Variants in DSCAM observed in about 807,000 individuals in gnomAD.
DSCAM encodes the protein cell adhesion molecule DSCAM.
Under a neutral mutation model 217.7 loss-of-function variants are expected in DSCAM, and 47 were observed. The observed-to-expected ratio is 0.22, with a 90% CI of 0.17 to 0.28. The LOEUF is 0.28. Ranked by LOEUF, DSCAM falls within the 10% of genes least tolerant of loss-of-function variation. DSCAM has a pLI of 1.00. For missense variants in DSCAM, 2,080 were observed against 2,618.3 expected (o/e 0.79, Z 4.49); for synonymous variants, 1,056 against 1,015.3 (o/e 1.04, Z -0.76).
chr21:40,536,082 T>C (rs1282147258), intron 3 of DSCAM, among the ~76,000 whole-genome samples: 1 of 152,192 alleles, frequency 6.6e-6, no homozygotes, highest in Non-Finnish European at 1.5e-5. Context: ...GTGAACCTCA[T>C]GCCTTTAATA....
intron 3 of DSCAM, among the ~76,000 whole-genome samples, chr21:40,652,121 T>C (rs1601823311): frequency 7.2e-6 from 1 of 139,498 alleles, no homozygotes; most frequent in Non-Finnish European, 1.5e-5. Flanking sequence ...CATGGACACA[T>C]GGAGGGGAAC....
At chr21:40,634,147 C>T (rs778104393) in intron 3 of DSCAM, among the ~76,000 whole-genome samples, 7 of 152,122 alleles carry the variant, frequency 4.6e-5, no homozygotes, top group South Asian at 2.1e-4. Flanking sequence ...ACTTGATGAA[C>T]GGTTAATGGA....
intron 3 of DSCAM, among the ~76,000 whole-genome samples, chr21:40,404,354 T>C (rs2075263404): frequency 6.6e-6 from 1 of 152,224 alleles, no homozygotes. Context: ...TCAAAGATTT[T>C]AGAGGAATTT....
chr21:40,648,060 G>A (rs767939498), intron 3 of DSCAM, among the ~76,000 whole-genome samples: 3 of 151,668 alleles, frequency 2.0e-5, no homozygotes, highest in Non-Finnish European at 4.4e-5. Flanking sequence ...AATAAATAGA[G>A]AAAGAAAGCA....
At chr21:40,163,217 G>A (rs1325141520) in intron 16 of DSCAM, among the ~76,000 whole-genome samples, 1 of 152,068 alleles carries the variant, frequency 6.6e-6, no homozygotes, top group Admixed American at 6.6e-5. Flanking sequence ...TGCTAAAAGA[G>A]ACACTTTAGG....
intron 6 of DSCAM, 145 bp from the exon 7 acceptor site, chr21:40,339,560 T>A: frequency 1.2e-6 from 1 of 800,482 alleles, no homozygotes; most frequent in Admixed American, 2.9e-5. Flanking sequence ...AAGCAAAACG[T>A]TAATCAGAAC....
chr21:40,640,136 T>TGCAGAGAGGAAAATCAAGAGAAGTG (rs71330398), intron 3 of DSCAM, among the ~76,000 whole-genome samples: 18,477 of 148,168 alleles, frequency 0.12, 1,527 homozygotes, highest in East Asian at 0.17. Flanking sequence ...TCAAAGCAGC[T>TGCAGAGAGGAAAATCAAGAGAAGTG]GCAGAGAGGA....
At chr21:40,809,349 A>G (rs1385839286) in intron 1 of DSCAM, among the ~76,000 whole-genome samples, 2 of 152,176 alleles carry the variant, frequency 1.3e-5, no homozygotes, top group African/African-American at 4.8e-5. Flanking sequence ...GAAGCTGTTG[A>G]CTGGGGGTGG....
chr21:40,730,522 AATCTT>A (rs2091001056), intron 1 of DSCAM, among the ~76,000 whole-genome samples: 1 of 152,220 alleles, frequency 6.6e-6, no homozygotes, highest in African/African-American at 2.4e-5. Flanking sequence ...ATAAAAATCA[AATCTT>A]ATCTGTAAAG....
chr21:40,359,164 T>A (rs1184702530), intron 4 of DSCAM, among the ~76,000 whole-genome samples: 1 of 152,172 alleles, frequency 6.6e-6, no homozygotes. Context: ...TCTTCATACA[T>A]CGTTGGTGGA....
At chr21:40,588,088 G>A (rs1663570113) in intron 3 of DSCAM, among the ~76,000 whole-genome samples, 1 of 152,176 alleles carries the variant, frequency 6.6e-6, no homozygotes, top group African/African-American at 2.4e-5. Flanking sequence ...GCCTTCAGCT[G>A]CCAGGCATGG....
intron 3 of DSCAM, among the ~76,000 whole-genome samples, chr21:40,420,547 T>C (rs530958119): frequency 2.0e-5 from 3 of 152,264 alleles, no homozygotes; most frequent in East Asian, 3.9e-4. Context: ...ATCTATGGTG[T>C]TATGGGTTGA....
At chr21:40,717,273 AG>A (rs2090852221) in intron 1 of DSCAM, among the ~76,000 whole-genome samples, 1 of 152,258 alleles carries the variant, frequency 6.6e-6, no homozygotes, top group Non-Finnish European at 1.5e-5. Flanking sequence ...GATTGTAAAG[AG>A]TGTCAGGTGC....
intron 1 of DSCAM, among the ~76,000 whole-genome samples, chr21:40,836,934 AT>A (rs2092061862): frequency 6.6e-6 from 1 of 152,208 alleles, no homozygotes; most frequent in African/African-American, 2.4e-5. Context: ...TGGCATCAGA[AT>A]TTCCAACAGG....
intron 3 of DSCAM, among the ~76,000 whole-genome samples, chr21:40,603,502 A>C (rs541726310): frequency 4.6e-5 from 7 of 152,224 alleles, no homozygotes; most frequent in African/African-American, 1.4e-4. Context: ...ATTCCTACGA[A>C]GCTCCTCCTT....
intron 3 of DSCAM, among the ~76,000 whole-genome samples, chr21:40,657,040 A>G (rs2090084348): frequency 6.6e-6 from 1 of 152,248 alleles, no homozygotes; most frequent in African/African-American, 2.4e-5. Context: ...TGTGCTCAAT[A>G]AAGATTTTTA....
intron 3 of DSCAM, among the ~76,000 whole-genome samples, chr21:40,627,171 G>C (rs1487489477): frequency 6.6e-6 from 1 of 152,208 alleles, no homozygotes; most frequent in African/African-American, 2.4e-5. Flanking sequence ...CCACACGTTA[G>C]TTGAATGAAT....
chr21:40,845,532 CTTCT>C (rs2092136750), intron 1 of DSCAM, among the ~76,000 whole-genome samples: 1 of 130,572 alleles, frequency 7.7e-6, no homozygotes, highest in African/African-American at 3.1e-5. Context: ...TTTACCTTCT[CTTCT>C]TCTCCTCTCT....
At chr21:40,654,339 T>A (rs546109577) in intron 3 of DSCAM, among the ~76,000 whole-genome samples, 143 of 152,308 alleles carry the variant, frequency 9.4e-4, no homozygotes, top group Non-Finnish European at 1.8e-3. Flanking sequence ...TGCTTTCTGG[T>A]GCTAGTACAA....
Sources: gnomAD v4.1 joint callset for allele counts (sites outside exome capture counted in the v4.1 genomes callset) on GRCh38, gnomAD v4.1.1 for gene constraint, MANE v1.5 for transcripts, NCBI Gene and HGNC (gene_info 2026-07-23, HGNC 2026-07-21) for gene names.